ZNRF1: variants seen among roughly 807,000 people sequenced by gnomAD.
ZNRF1 encodes the protein E3 ubiquitin-protein ligase ZNRF1.
ZNRF1 carries 3 observed loss-of-function variants against 18.4 expected under a neutral mutation model. That is an observed-to-expected ratio of 0.16 (90% CI 0.07 to 0.42). The LOEUF (loss-of-function observed/expected upper bound fraction) is 0.42, where lower values mean the gene tolerates loss of function less well. ZNRF1 is among the 10% of genes least tolerant of loss of function. The pLI is 0.99. For synonymous variants in ZNRF1, 157 were observed against 144.2 expected (o/e 1.09, Z -0.64); for missense variants, 310 against 329.8 (o/e 0.94, Z 0.47).
At chr16:75,005,950 T>C (rs1488657889) in intron 1 of ZNRF1, among the ~76,000 whole-genome samples, 1 of 152,200 alleles carries the variant, frequency 6.6e-6, no homozygotes, top group Non-Finnish European at 1.5e-5. Context: ...ACCTAGATTA[T>C]ATGTTGCTCC....
intron 1 of ZNRF1, among the ~76,000 whole-genome samples, chr16:75,027,763 G>C (rs1233298532): frequency 6.6e-6 from 1 of 152,118 alleles, no homozygotes; most frequent in African/African-American, 2.4e-5. Context: ...CCCTGGGTTA[G>C]AAGAAACACT....
intron 4 of ZNRF1, chr16:75,106,990 C>T (rs2036324188): frequency 5.1e-6 from 1 of 194,528 alleles, no homozygotes; most frequent in Admixed American, 5.2e-5. Flanking sequence ...TCCCTGTTGC[C>T]ATAAGGACAT....
intron 1 of ZNRF1, among the ~76,000 whole-genome samples, chr16:75,018,285 G>A (rs1357343071): frequency 6.6e-6 from 1 of 152,010 alleles, no homozygotes; most frequent in Non-Finnish European, 1.5e-5. Context: ...TAATTGTTTC[G>A]GGTTTCTTGT....
chr16:75,089,788 G>A (rs1013528698), intron 1 of ZNRF1, among the ~76,000 whole-genome samples: 3 of 152,102 alleles, frequency 2.0e-5, no homozygotes, highest in Admixed American at 2.0e-4. Context: ...ACATTCCCTT[G>A]TAGACCTTCT....
chr16:75,046,537 C>T (rs574739289), intron 1 of ZNRF1, among the ~76,000 whole-genome samples: 2 of 152,204 alleles, frequency 1.3e-5, no homozygotes, highest in South Asian at 4.1e-4. Context: ...AGGCGTGAGC[C>T]ACCACACCCA....
chr16:75,081,756 C>A (rs1464440954), intron 1 of ZNRF1, among the ~76,000 whole-genome samples: 3 of 152,130 alleles, frequency 2.0e-5, no homozygotes, highest in African/African-American at 7.2e-5. Flanking sequence ...GTAGGTAATC[C>A]CTAGTGTCTA....
At chr16:75,046,599 T>C (rs2035518619) in intron 1 of ZNRF1, among the ~76,000 whole-genome samples, 1 of 151,022 alleles carries the variant, frequency 6.6e-6, no homozygotes, top group African/African-American at 2.4e-5. Flanking sequence ...TTTTTGAGAC[T>C]GAGTCTCGCT....
At chr16:75,028,009 T>C (rs572991337) in intron 1 of ZNRF1, among the ~76,000 whole-genome samples, 7 of 152,326 alleles carry the variant, frequency 4.6e-5, no homozygotes, top group Admixed American at 3.9e-4. Flanking sequence ...CGTGCTTGTA[T>C]ATCTGCCTTT....
At chr16:75,024,657 A>G (rs35934181) in intron 1 of ZNRF1, among the ~76,000 whole-genome samples, 61,478 of 152,162 alleles carry the variant, frequency 0.4, 14,983 homozygotes, top group Non-Finnish European at 0.55. Flanking sequence ...GGAAGAAGTT[A>G]CAAAAGAAGG....
intron 1 of ZNRF1, among the ~76,000 whole-genome samples, chr16:75,018,057 C>T (rs1021215975): frequency 1.3e-5 from 2 of 152,182 alleles, no homozygotes; most frequent in Admixed American, 6.5e-5. Flanking sequence ...ATAACAGTGT[C>T]TATCATATAG....
intron 1 of ZNRF1, 132 bp from the exon 2 acceptor site, chr16:75,093,440 C>G (rs1376647744): frequency 3.0e-6 from 2 of 661,582 alleles, no homozygotes; most frequent in Non-Finnish European, 5.4e-6. Context: ...GAGGACAGGT[C>G]CAGGGTCTGT....
chr16:75,034,004 A>C (rs1357438502), intron 1 of ZNRF1, among the ~76,000 whole-genome samples: 1 of 133,936 alleles, frequency 7.5e-6, no homozygotes, highest in Non-Finnish European at 1.6e-5. Context: ...AAAAAAAAAA[A>C]GAAATTAGCC....
At chr16:75,033,904 T>G (rs566949884) in intron 1 of ZNRF1, among the ~76,000 whole-genome samples, 1 of 151,958 alleles carries the variant, frequency 6.6e-6, no homozygotes, top group Non-Finnish European at 1.5e-5. Context: ...CCTAGCACTT[T>G]GGGAGGCTAA....
intron 1 of ZNRF1, among the ~76,000 whole-genome samples, chr16:75,089,648 A>C (rs943951230): frequency 2.0e-5 from 3 of 151,846 alleles, no homozygotes; most frequent in South Asian, 4.2e-4. Flanking sequence ...TCTCAGCTCC[A>C]CCTCCTCAGT....
Position 75,027,128 on chromosome 16 carries a change from A to G in ZNRF1, c.424+27033A>G, listed in dbSNP as rs115187604. On this transcript the variant is annotated intron_variant, in intron 1 of 4. Coordinates refer to ENST00000335325, the MANE Select transcript of ZNRF1 (RefSeq NM_032268.5). ...GCTAGAAAGTGGTGTGGCTCTAGCC[A>G]TGTATAGTGGCTCCTTCCTGTAATC... Among the ~76,000 whole-genome samples, 818 of 152,028 alleles carry G rather than the reference A, an allele frequency of 5.4e-3. 13 individuals are homozygous for G. Among genetic ancestry groups the G allele is most frequent in the African/African-American group, 0.019 (780 of 41,470 alleles).
chr16:75,020,617 C>T (rs529181067), intron 1 of ZNRF1, among the ~76,000 whole-genome samples: 2 of 152,064 alleles, frequency 1.3e-5, no homozygotes, highest in Non-Finnish European at 2.9e-5. Flanking sequence ...TCTTGGCTCA[C>T]TGCAGGCCCC....
chr16:75,094,634 C>T lies in ZNRF1; in HGVS notation c.520+967C>T, dbSNP rs1255650495. On this transcript the variant is annotated intron_variant, in intron 2 of 4. Transcript: ENST00000335325. ...TTTGGTACAGAGCCTGGCACATGGT[C>T]AGTGCTTGGGAAGTTACAGCTGCCA... 2.0e-5 allele frequency among the ~76,000 whole-genome samples: 3 copies of T among 152,314 alleles called. No individual in the cohort carries two copies. In the East Asian group the frequency reaches 5.8e-4, roughly 29 times the overall value.
rs1233341124 is a variant in ZNRF1, at chr16:75,104,831, G to C, written c.568G>C (p.Glu190Gln). ...GGGTGAGTGTGTGATCTGCCTGGAGGAGCTGCTGCAGGGGGACACGATAGC... is the reference window on the plus strand; with the variant it reads ...GGGTGAGTGTGTGATCTGCCTGGAGCAGCTGCTGCAGGGGGACACGATAGC... ...DAGECVICLE[E>Q]LLQGDTIARL... The change falls in exon 3 of 5, where the codon GAG (glutamate) becomes CAG (glutamine). Residue 190 changes from glutamate to glutamine, a missense_variant. By Grantham distance (29) the Glu-to-Gln change is conservative. Coordinates refer to ENST00000335325, the MANE Select transcript of ZNRF1 (RefSeq NM_032268.5). 6.2e-7 allele frequency: 1 copy of C among 1,611,154 alleles called. No homozygotes were observed. Among genetic ancestry groups the C allele is most frequent in the African/African-American group, 1.3e-5 (1 of 74,890 alleles).
At chr16:75,079,090 A>G (rs2035979072) in intron 1 of ZNRF1, among the ~76,000 whole-genome samples, 1 of 152,332 alleles carries the variant, frequency 6.6e-6, no homozygotes, top group East Asian at 1.9e-4. Context: ...ATGGTAGCAT[A>G]CTTTACATGC....
Sources: gnomAD v4.1 joint callset for allele counts (sites outside exome capture counted in the v4.1 genomes callset) on GRCh38, gnomAD v4.1.1 for gene constraint, MANE v1.5 for transcripts, NCBI Gene and HGNC (gene_info 2026-07-23, HGNC 2026-07-21) for gene names.